The following ARL15 variants were observed in gnomAD, a reference collection of about 807,000 sequenced individuals.
The protein encoded by ARL15 is ARF like GTPase 15.
In ARL15, 19 loss-of-function variants were observed where a neutral mutation model predicts 25.2. That is an observed-to-expected ratio of 0.75 (90% CI 0.53 to 1.10). The LOEUF is 1.10. Ranked by LOEUF, ARL15 falls within the 50% of genes least tolerant of loss-of-function variation. The pLI, the probability that ARL15 is intolerant of heterozygous loss-of-function variation, is 0.00. For missense variants in ARL15, 220 were observed against 246.0 expected (o/e 0.89, Z 0.71); for synonymous variants, 94 against 86.8 (o/e 1.08, Z -0.46).
intron 4 of ARL15, among the ~76,000 whole-genome samples, chr5:54,039,737 G>A (rs1030895149): frequency 2.1e-5 from 3 of 145,292 alleles, no homozygotes; most frequent in South Asian, 4.5e-4. Context: ...GGGAGGTGGA[G>A]GTTGCAGTGA....
At chr5:54,145,349 G>C (rs536199841) in intron 3 of ARL15, among the ~76,000 whole-genome samples, 2 of 152,060 alleles carry the variant, frequency 1.3e-5, no homozygotes, top group Non-Finnish European at 2.9e-5. Context: ...ACTTTGGACC[G>C]CAAGAAATTA....
intron 4 of ARL15, among the ~76,000 whole-genome samples, chr5:54,078,650 G>T (rs1167858103): frequency 6.6e-6 from 1 of 152,116 alleles, no homozygotes; most frequent in South Asian, 2.1e-4. Flanking sequence ...AACATTAATA[G>T]CTAAAATGAC....
At chr5:54,156,514 T>C (rs1754238324) in intron 2 of ARL15, among the ~76,000 whole-genome samples, 1 of 152,230 alleles carries the variant, frequency 6.6e-6, no homozygotes, top group Non-Finnish European at 1.5e-5. Flanking sequence ...TAGGTATACA[T>C]ATTTTCTGCC....
chr5:54,088,030 T>A (rs140857712), intron 4 of ARL15, among the ~76,000 whole-genome samples: 2 of 152,312 alleles, frequency 1.3e-5, no homozygotes, highest in East Asian at 3.9e-4. Flanking sequence ...TATTAGCTGA[T>A]TGATTGTACA....
intron 3 of ARL15, among the ~76,000 whole-genome samples, chr5:54,128,946 C>A (rs1373036524): frequency 6.6e-6 from 1 of 152,070 alleles, no homozygotes; most frequent in Non-Finnish European, 1.5e-5. Context: ...ACCTCATGAT[C>A]CGCCCACCTC....
chr5:54,282,623 C>T (rs2112671060), intron 1 of ARL15: 1 of 943,086 alleles, frequency 1.1e-6, no homozygotes, highest in African/African-American at 1.8e-5. Context: ...TTACTTCTTT[C>T]AAATCTTGCT....
chr5:53,910,063 G>A (rs1234565252), intron 4 of ARL15, among the ~76,000 whole-genome samples: 1 of 152,132 alleles, frequency 6.6e-6, no homozygotes, highest in Admixed American at 6.5e-5. Flanking sequence ...TGGAAGGTGG[G>A]CAACCTTTCA....
At chr5:54,309,242 T>C (rs1758836114) in intron 1 of ARL15, among the ~76,000 whole-genome samples, 2 of 152,230 alleles carry the variant, frequency 1.3e-5, no homozygotes, top group Admixed American at 1.3e-4. Flanking sequence ...TTCACAAGGC[T>C]ATGCATTAAC....
chr5:54,245,691 G>A (rs1757071026), intron 1 of ARL15, among the ~76,000 whole-genome samples: 1 of 152,002 alleles, frequency 6.6e-6, no homozygotes, highest in Non-Finnish European at 1.5e-5. Flanking sequence ...GAGTTCACGT[G>A]ATTCTCCTGC....
At chr5:53,900,053 C>A (rs1745015481) in intron 4 of ARL15, among the ~76,000 whole-genome samples, 1 of 152,164 alleles carries the variant, frequency 6.6e-6, no homozygotes, top group East Asian at 1.9e-4. Flanking sequence ...ACTGAAGAGG[C>A]CTGTGGTTGA....
At chr5:54,135,607 T>G (rs1753577963) in intron 3 of ARL15, among the ~76,000 whole-genome samples, 1 of 152,210 alleles carries the variant, frequency 6.6e-6, no homozygotes, top group South Asian at 2.1e-4. Flanking sequence ...TGCATTTTAG[T>G]AAATTATAAT....
intron 1 of ARL15, among the ~76,000 whole-genome samples, chr5:54,185,583 T>C (rs1423493138): frequency 2.6e-5 from 4 of 152,122 alleles, no homozygotes; most frequent in Non-Finnish European, 5.9e-5. Context: ...GTGGCTATGA[T>C]TAAAAGCATG....
At chr5:54,005,008 T>C (rs1180572838) in intron 4 of ARL15, among the ~76,000 whole-genome samples, 2 of 150,260 alleles carry the variant, frequency 1.3e-5, no homozygotes, top group Non-Finnish European at 3.0e-5. Flanking sequence ...TTTTTTCTTT[T>C]GAATAATAGT....
At chr5:53,938,031 G>C (rs1218078493) in intron 4 of ARL15, among the ~76,000 whole-genome samples, 3 of 152,118 alleles carry the variant, frequency 2.0e-5, no homozygotes, top group Non-Finnish European at 4.4e-5. Flanking sequence ...TTCATTATGA[G>C]AGATACATCA....
chr5:54,240,965 A>C (rs953059718), intron 1 of ARL15, among the ~76,000 whole-genome samples: 2 of 152,196 alleles, frequency 1.3e-5, no homozygotes, highest in African/African-American at 2.4e-5. Flanking sequence ...AAAAGTACTC[A>C]ATTGGTACTA....
chr5:54,255,501 C>T (rs1485048528), intron 1 of ARL15, among the ~76,000 whole-genome samples: 2 of 152,120 alleles, frequency 1.3e-5, no homozygotes, highest in Admixed American at 6.6e-5. Context: ...TAAATTATAA[C>T]ATCTAGAGTT....
rs373756778 is a variant in ARL15 at position 53,890,631 on chromosome 5, T to C, written c.463-3918A>G. Among the ~76,000 whole-genome samples the C allele has an allele frequency of 1.2e-3, 179 of 152,328 alleles. 1 individual carries two copies. The highest frequency in any genetic ancestry group is 4.2e-3 in the African/African-American group (173 of 41,574). On this transcript the variant is annotated intron_variant, in intron 4 of 4. Transcript: ENST00000504924. ...GAAAGCCACAGAGAGTGGGCATTTA[T>C]TAGTAGCCATGTGTCCACCCTAGAG... is the stretch of plus-strand genomic sequence containing the variant.
chr5:54,053,188 G>T (rs1355547363), intron 4 of ARL15, among the ~76,000 whole-genome samples: 2 of 152,008 alleles, frequency 1.3e-5, no homozygotes, highest in Non-Finnish European at 2.9e-5. Flanking sequence ...GAGGATCCCT[G>T]GAGACTAGGA....
chr5:53,958,296 G>A (rs764642041), intron 4 of ARL15, among the ~76,000 whole-genome samples: 35 of 152,086 alleles, frequency 2.3e-4, no homozygotes, highest in Admixed American at 7.9e-4. Context: ...ATAAAGAGGA[G>A]GAGAACAAAG....
Sources: allele counts gnomAD v4.1 joint callset (sites outside exome capture counted in the v4.1 genomes callset), GRCh38; gene constraint gnomAD v4.1.1; transcripts MANE v1.5; gene names NCBI Gene and HGNC (gene_info 2026-07-23, HGNC 2026-07-21).